The following TMEM45A variants were observed in gnomAD, a reference collection of about 807,000 sequenced individuals.
TMEM45A encodes transmembrane protein 45A.
In TMEM45A, 25 loss-of-function variants were observed where a neutral mutation model predicts 32.0. The ratio of observed to expected loss-of-function variants is 0.78; its 90% CI spans 0.57 to 1.09. The LOEUF (loss-of-function observed/expected upper bound fraction) is 1.09. TMEM45A is among the 50% of genes least tolerant of loss of function. The probability of loss-of-function intolerance (pLI) is 0.00; values close to 1 mark genes in which losing one functional copy is unlikely to be tolerated. For missense variants in TMEM45A, 302 were observed against 325.0 expected, an observed-to-expected ratio of 0.93 and a Z score of 0.54; for synonymous variants, 122 against 114.8, an observed-to-expected ratio of 1.06 and a Z score of -0.40.
At chr3:100,528,122 T>C (rs895368427) in intron 1 of TMEM45A, among the ~76,000 whole-genome samples, 5 of 152,282 alleles carry the variant, frequency 3.3e-5, no homozygotes, top group African/African-American at 1.2e-4. Context: ...TCTACACTTC[T>C]GTTGTTGCTA....
At chr3:100,548,136 T>G (rs1359818896) in intron 1 of TMEM45A, among the ~76,000 whole-genome samples, 1 of 152,202 alleles carries the variant, frequency 6.6e-6, no homozygotes, top group African/African-American at 2.4e-5. Flanking sequence ...TATTTTCTTC[T>G]GACAGAGCTT....
chr3:100,521,589 T>C (rs1705438059), intron 1 of TMEM45A, among the ~76,000 whole-genome samples: 1 of 152,140 alleles, frequency 6.6e-6, no homozygotes, highest in South Asian at 2.1e-4. Context: ...AGAGGTGGCT[T>C]CTCCTTGGCT....
At chr3:100,529,667 G>A (rs1280263230) in intron 1 of TMEM45A, among the ~76,000 whole-genome samples, 2 of 152,102 alleles carry the variant, frequency 1.3e-5, no homozygotes, top group Non-Finnish European at 2.9e-5. Context: ...TGTCACCCAG[G>A]ATGGAGTGCA....
chr3:100,569,760 A>G (rs1230867173), intron 5 of TMEM45A, among the ~76,000 whole-genome samples: 1 of 152,208 alleles, frequency 6.6e-6, no homozygotes, highest in African/African-American at 2.4e-5. Context: ...AAAAAAAATG[A>G]ATGTGATATG....
chr3:100,535,464 A>C (rs1705725135), intron 1 of TMEM45A, among the ~76,000 whole-genome samples: 1 of 152,086 alleles, frequency 6.6e-6, no homozygotes, highest in African/African-American at 2.4e-5. Flanking sequence ...TCAAAATTGC[A>C]CAATGTTTTG....
chr3:100,514,667 A>G lies in TMEM45A; in HGVS notation c.-4+21739A>G, dbSNP rs1027296569. Among the ~76,000 whole-genome samples the G allele has an allele frequency of 1.2e-3, 189 of 152,340 alleles. 1 individual carries two copies. The highest frequency in any genetic ancestry group is 4.5e-3 in the African/African-American group (185 of 41,564). ...AAAGAGCTTGTGCACAGCAAAACAA[A>G]CTACCATCAGAGTGAACAGGCAACC... is the stretch of plus-strand genomic sequence containing the variant. On this transcript the variant is annotated intron_variant, in intron 1 of 5. Coordinates refer to ENST00000323523, the MANE Select transcript of TMEM45A (RefSeq NM_018004.3).
intron 1 of TMEM45A, among the ~76,000 whole-genome samples, chr3:100,495,690 C>G (rs989873327): frequency 6.6e-6 from 1 of 152,130 alleles, no homozygotes; most frequent in Non-Finnish European, 1.5e-5. Context: ...TCTATAACCT[C>G]CATCCAGGTC....
At chr3:100,500,073 C>T (rs1427049829) in intron 1 of TMEM45A, among the ~76,000 whole-genome samples, 1 of 152,082 alleles carries the variant, frequency 6.6e-6, no homozygotes, top group Non-Finnish European at 1.5e-5. Flanking sequence ...AATGGTTCCC[C>T]TTCTATTTAC....
At chr3:100,541,289 T>C (rs1421484933) in intron 1 of TMEM45A, among the ~76,000 whole-genome samples, 1 of 152,220 alleles carries the variant, frequency 6.6e-6, no homozygotes, top group African/African-American at 2.4e-5. Context: ...CTGTTTACTC[T>C]GTTGGTGGTT....
intron 1 of TMEM45A, among the ~76,000 whole-genome samples, chr3:100,517,498 G>A (rs946281236): frequency 6.6e-6 from 1 of 152,236 alleles, no homozygotes; most frequent in South Asian, 2.1e-4. Context: ...GCACATCCAC[G>A]TAAGGGTGTA....
At chr3:100,538,355 G>A (rs1030728201) in intron 1 of TMEM45A, among the ~76,000 whole-genome samples, 9 of 140,632 alleles carry the variant, frequency 6.4e-5, no homozygotes, top group African/African-American at 2.0e-4. Context: ...TAAAAGATAA[G>A]TTAAACACAA....
In TMEM45A at chr3:100,568,948, A is replaced by G; in HGVS notation, c.715A>G (p.Asn239Asp). 6.2e-7 allele frequency: 1 copy of G among 1,612,906 alleles called. No individual in the cohort carries two copies. Among genetic ancestry groups the G allele is most frequent in the Non-Finnish European group, 8.5e-7 (1 of 1,179,224 alleles). Reference sequence around the variant, plus strand: ...AGTAACCATTGTCATCGTTGGAATGAATTATGCTTTCATTACCTGGTAAGT... The same window carrying G: ...AGTAACCATTGTCATCGTTGGAATGGATTATGCTTTCATTACCTGGTAAGT... Reference protein sequence around the residue: ...YAVTIVIVGMNYAFITWLVKS... With the variant: ...YAVTIVIVGMDYAFITWLVKS... Residue 239 changes from asparagine to aspartate, a missense_variant, in exon 5 of 6, where the codon AAT becomes GAT. Physicochemically the swap from Asn to Asp is conservative, Grantham distance 23. Coordinates refer to ENST00000323523, the MANE Select transcript of TMEM45A (RefSeq NM_018004.3).
chr3:100,523,928 C>T (rs530522216), intron 1 of TMEM45A, among the ~76,000 whole-genome samples: 124 of 152,274 alleles, frequency 8.1e-4, no homozygotes, highest in African/African-American at 2.7e-3. Context: ...AGCTAGAGAG[C>T]GGAACTTCAA....
intron 1 of TMEM45A, among the ~76,000 whole-genome samples, chr3:100,539,490 T>TGTATATGTATTCGTATACGTATAC (rs1553682653): frequency 1.4e-5 from 1 of 72,406 alleles, no homozygotes; most frequent in African/African-American, 5.9e-5. Flanking sequence ...TATATGTATA[T>TGTATATGTATTCGTATACGTATAC]GTATACGTAT....
At chr3:100,572,644 C>T (rs1706590038) in intron 5 of TMEM45A, 1 of 152,034 alleles carries the variant, frequency 6.6e-6, no homozygotes, top group African/African-American at 2.4e-5. Context: ...GTTGCCATTG[C>T]TTTTGGTGTT....
chr3:100,513,576 T>C (rs1220321109), intron 1 of TMEM45A, among the ~76,000 whole-genome samples: 1 of 150,582 alleles, frequency 6.6e-6, no homozygotes, highest in Non-Finnish European at 1.5e-5. Context: ...AAGACAGTGA[T>C]GCCCTCTCTC....
chr3:100,576,775 G>A (rs1706697126), intron 5 of TMEM45A, 150 bp from the exon 6 acceptor site: 2 of 667,696 alleles, frequency 3.0e-6, no homozygotes, highest in East Asian at 2.7e-5. Flanking sequence ...TTTTCAGGCA[G>A]CTCCAAAGCC....
At chr3:100,525,372 A>T (rs950123325) in intron 1 of TMEM45A, among the ~76,000 whole-genome samples, 1 of 152,198 alleles carries the variant, frequency 6.6e-6, no homozygotes, top group Non-Finnish European at 1.5e-5. Context: ...AATTAAAATT[A>T]CATATGTGTC....
intron 1 of TMEM45A, among the ~76,000 whole-genome samples, chr3:100,509,336 G>A (rs1231630725): frequency 6.6e-6 from 1 of 152,180 alleles, no homozygotes; most frequent in African/African-American, 2.4e-5. Flanking sequence ...TTGTTGGTGA[G>A]AATGTAAATT....
Sources: allele counts gnomAD v4.1 joint callset (sites outside exome capture counted in the v4.1 genomes callset), GRCh38; gene constraint gnomAD v4.1.1; transcripts MANE v1.5; gene names NCBI Gene and HGNC (gene_info 2026-07-23, HGNC 2026-07-21).